DLG1: variants seen among roughly 807,000 people sequenced by gnomAD.
DLG1 encodes the protein discs large MAGUK scaffold protein 1, also known as disks large homolog 1.
DLG1 carries 42 observed loss-of-function variants against 123.4 expected under a neutral mutation model. The observed-to-expected ratio is 0.34, with a 90% CI of 0.27 to 0.44. The LOEUF is 0.44. Among genes scored for constraint, DLG1 ranks in the 20% least tolerant of loss-of-function variants. DLG1 has a pLI of 1.00. For missense variants in DLG1, 942 were observed against 1,082.6 expected, an observed-to-expected ratio of 0.87 and a Z score of 1.82; for synonymous variants, 317 against 356.2, an observed-to-expected ratio of 0.89 and a Z score of 1.24.
chr3:197,044,821 G>T, intron 24 of DLG1, 92 bp from the exon 25 acceptor site: 2 of 709,118 alleles, frequency 2.8e-6, no homozygotes, highest in Non-Finnish European at 4.3e-6. Flanking sequence ...TAGTATCTTT[G>T]AAAAAGTTAC....
intron 3 of DLG1, among the ~76,000 whole-genome samples, chr3:197,285,227 A>C (rs1255811366): frequency 6.6e-6 from 1 of 152,142 alleles, no homozygotes; most frequent in Non-Finnish European, 1.5e-5. Flanking sequence ...AATGGGAGAA[A>C]GGGAACTTTC....
chr3:197,066,491 AAC>A lies in DLG1; in HGVS notation c.2098+211_2098+212del, dbSNP rs140549345. Among the ~76,000 whole-genome samples, 294 of 152,338 alleles carry A rather than the reference AAC, an allele frequency of 1.9e-3. 1 individual carries two copies. The highest frequency in any genetic ancestry group is 6.9e-3 in the African/African-American group (286 of 41,576). ...TGGAACAAAGTTGCTTGGGAAATAA[AAC>A]ACAAATATAAAAGTCAGTATGAAAT... On this transcript the variant is annotated intron_variant, in intron 20 of 24. Transcript: ENST00000667157.
intron 12 of DLG1, among the ~76,000 whole-genome samples, chr3:197,118,335 T>C (rs76368566): frequency 0.043 from 6,486 of 152,308 alleles, 185 homozygotes; most frequent in Non-Finnish European, 0.054. Flanking sequence ...CTAGAAGCAC[T>C]GCCTGAAGAC....
At chr3:197,092,861 G>A (rs1474164056) in intron 14 of DLG1, among the ~76,000 whole-genome samples, 1 of 151,994 alleles carries the variant, frequency 6.6e-6, no homozygotes, top group Non-Finnish European at 1.5e-5. Context: ...GTTGCCAAGT[G>A]GATACACATT....
intron 4 of DLG1, among the ~76,000 whole-genome samples, chr3:197,224,249 G>A (rs1738627972): frequency 6.6e-6 from 1 of 152,056 alleles, no homozygotes. Context: ...GGAGGATAGG[G>A]GAGGACTTTA....
chr3:197,129,342 C>T (rs1441790084), intron 11 of DLG1, among the ~76,000 whole-genome samples: 1 of 152,214 alleles, frequency 6.6e-6, no homozygotes, highest in Non-Finnish European at 1.5e-5. Context: ...GAACCAACCC[C>T]TGCTAGCCTC....
At chr3:197,099,382 T>C (rs1372526892) in intron 14 of DLG1, among the ~76,000 whole-genome samples, 1 of 152,210 alleles carries the variant, frequency 6.6e-6, no homozygotes, top group East Asian at 1.9e-4. Context: ...AAGAGTTTCA[T>C]CCCTTTTTTC....
chr3:197,272,369 A>G (rs1165327628), intron 4 of DLG1, among the ~76,000 whole-genome samples: 1 of 152,180 alleles, frequency 6.6e-6, no homozygotes, highest in Non-Finnish European at 1.5e-5. Context: ...AAAAAGAAAA[A>G]AAAAAGCATA....
intron 1 of DLG1, 93 bp downstream of exon 1, chr3:197,298,443 C>T (rs1015613941): frequency 2.5e-6 from 1 of 398,766 alleles, no homozygotes; most frequent in South Asian, 1.3e-4. Flanking sequence ...CGGCGCGTCC[C>T]GCAGTTCCGA....
intron 4 of DLG1, among the ~76,000 whole-genome samples, chr3:197,214,402 G>A (rs35136822): frequency 0.24 from 36,628 of 151,714 alleles, 5,597 homozygotes; most frequent in East Asian, 0.71. Flanking sequence ...GTGAAACCCC[G>A]TCTCTACTAA....
At chr3:197,092,017 C>G (rs996474941) in intron 14 of DLG1, among the ~76,000 whole-genome samples, 1 of 152,138 alleles carries the variant, frequency 6.6e-6, no homozygotes, top group Non-Finnish European at 1.5e-5. Flanking sequence ...TAAAATTCCA[C>G]ATTAATAATA....
chr3:197,065,584 G>T, intron 21 of DLG1, 124 bp downstream of exon 21: 1 of 988,498 alleles, frequency 1.0e-6, no homozygotes, highest in Non-Finnish European at 1.5e-6. Flanking sequence ...ATAATATGGA[G>T]GATGGAAGAG....
intron 5 of DLG1, among the ~76,000 whole-genome samples, chr3:197,167,317 T>C (rs1430099484): frequency 6.6e-6 from 1 of 152,216 alleles, no homozygotes; most frequent in African/African-American, 2.4e-5. Flanking sequence ...TAATGAATAT[T>C]AAAACTTCCT....
intron 5 of DLG1, among the ~76,000 whole-genome samples, chr3:197,169,884 T>TC (rs1803270939): frequency 6.6e-6 from 1 of 152,160 alleles, no homozygotes; most frequent in Non-Finnish European, 1.5e-5. Context: ...ACCCATTTAG[T>TC]TATTTTTCCG....
intron 5 of DLG1, among the ~76,000 whole-genome samples, chr3:197,162,466 TGAG>T (rs1449950336): frequency 1.3e-5 from 2 of 152,050 alleles, no homozygotes; most frequent in African/African-American, 2.4e-5. Flanking sequence ...ATCAAGCAGA[TGAG>T]GACAGCCTGC....
At chr3:197,241,750 T>C (rs1403019833) in intron 4 of DLG1, among the ~76,000 whole-genome samples, 1 of 152,336 alleles carries the variant, frequency 6.6e-6, no homozygotes. Context: ...TCTATTCTTT[T>C]GTGATCTAAG....
intron 1 of DLG1, chr3:197,298,046 C>A: frequency 2.0e-6 from 1 of 509,358 alleles, no homozygotes; most frequent in Non-Finnish European, 2.5e-6. Context: ...CCAGTTGCTG[C>A]CGCACGCCCC....
At chr3:197,086,122 T>C (rs944064622) in intron 15 of DLG1, among the ~76,000 whole-genome samples, 3 of 152,078 alleles carry the variant, frequency 2.0e-5, no homozygotes, top group African/African-American at 7.2e-5. Context: ...ATTAGATACA[T>C]GTAGGAAAAC....
chr3:197,109,925 T>C (rs1157635141), intron 13 of DLG1, among the ~76,000 whole-genome samples: 7 of 152,224 alleles, frequency 4.6e-5, no homozygotes, highest in Admixed American at 3.3e-4. Flanking sequence ...CTTTCAATAT[T>C]CTGCCTTCGG....
Sources: allele counts gnomAD v4.1 joint callset (sites outside exome capture counted in the v4.1 genomes callset), GRCh38; gene constraint gnomAD v4.1.1; transcripts MANE v1.5; gene names NCBI Gene and HGNC (gene_info 2026-07-23, HGNC 2026-07-21).